The following ZNF75D variants were observed in gnomAD, a reference collection of about 807,000 sequenced individuals.
The protein encoded by ZNF75D is zinc finger protein 75.
A neutral mutation model predicts 33.3 loss-of-function variants in ZNF75D; 33 were observed. That is an observed-to-expected ratio of 0.99 (90% CI 0.75 to 1.32). The LOEUF is 1.32. Ranked by LOEUF, ZNF75D falls within the 40% of genes most tolerant of loss-of-function variation. The pLI, the probability that ZNF75D is intolerant of heterozygous loss-of-function variation, is 0.00. For synonymous variants in ZNF75D, 113 were observed against 130.6 expected (o/e 0.87, Z 0.92); for missense variants, 338 against 367.5 (o/e 0.92, Z 0.66).
chrX:135,303,402 C>A (rs1433800589), intron 1 of ZNF75D, among the ~76,000 whole-genome samples: 2 of 111,728 alleles, frequency 1.8e-5, no homozygotes, highest in Non-Finnish European at 3.8e-5. Context: ...GAGGTCCCTG[C>A]GGCCTACCAC....
At chrX:135,277,899 T>C in intron 1 of ZNF75D, among the ~76,000 whole-genome samples, 1 of 112,366 alleles carries the variant, frequency 8.9e-6, no homozygotes, top group South Asian at 3.7e-4. Flanking sequence ...AGCCTTGTAG[T>C]ATAGTTTGAA....
At chrX:135,257,974 C>T (rs2083814583) in intron 1 of ZNF75D, among the ~76,000 whole-genome samples, 1 of 108,979 alleles carries the variant, frequency 9.2e-6, no homozygotes, top group Admixed American at 1.0e-4. Flanking sequence ...CCCCCCACCA[C>T]CCAACAGGCC....
At chrX:135,341,209 C>T (rs782522505) in intron 1 of ZNF75D, among the ~76,000 whole-genome samples, 1 of 111,704 alleles carries the variant, frequency 9.0e-6, no homozygotes, top group South Asian at 3.8e-4. Flanking sequence ...TTTACAGACC[C>T]AGAACCCTAT....
chrX:135,294,101 G>T lies in ZNF75D; in HGVS notation c.40C>A (p.Pro14Thr), dbSNP rs981704563. 2 of 1,203,176 alleles carry T rather than the reference G, an allele frequency of 1.7e-6. No homozygotes were observed. Among genetic ancestry groups the T allele is most frequent in the South Asian group, 3.6e-5 (2 of 55,723 alleles). Reference protein sequence around the residue: ...RELNADSCSSPQMGAMWETSG... With the variant: ...RELNADSCSSTQMGAMWETSG... The stretch of plus-strand genomic sequence containing the variant: ...GTCTCCCACATAGCCCCCATCTGGG[G>T]GCTTGAGCATGAATCCGCGTTCAGC... Residue 14 changes from proline (P) to threonine (T), a missense_variant, in exon 3 of 7, where the codon CCC (proline) becomes ACC (threonine). Physicochemically the swap from Pro to Thr is conservative, Grantham distance 38. Around this residue, in one of 3 missense-constraint regions of ZNF75D, gnomAD observed 254 missense variants for 267.7 expected, o/e 0.95. Transcript: ENST00000370766.
intron 1 of ZNF75D, among the ~76,000 whole-genome samples, chrX:135,314,464 A>C (rs1556430389): frequency 9.0e-6 from 1 of 111,563 alleles, no homozygotes; most frequent in African/African-American, 3.3e-5. Context: ...CTTTTTTACT[A>C]TGCCCTTGTC....
chrX:135,318,131 A>G (rs1556432639), intron 1 of ZNF75D, among the ~76,000 whole-genome samples: 1 of 103,076 alleles, frequency 9.7e-6, no homozygotes. Flanking sequence ...GGGAATTTAG[A>G]TCGTCCTGGC....
At chrX:135,279,910 G>A (rs782743203) in intron 1 of ZNF75D, among the ~76,000 whole-genome samples, 4 of 111,344 alleles carry the variant, frequency 3.6e-5, no homozygotes, top group African/African-American at 9.8e-5. Flanking sequence ...CAATTGTGTC[G>A]TCAATTTTAG....
chrX:135,286,975 G>A lies in ZNF75D; in HGVS notation c.*162C>T, dbSNP rs2083962127. 32 of 451,248 alleles carry A rather than the reference G, an allele frequency of 7.1e-5. 1 individual carries two copies. The highest frequency in any genetic ancestry group is 6.0e-4 in the Middle Eastern group (1 of 1,665). The allele number at this position is 451,248 out of a possible 1,213,427, so 37.2% of individuals were successfully genotyped here. A position where few individuals can be genotyped will look rare whatever the true frequency, so the allele number is the denominator to read the frequency against. ...ATCAACTCTTGTGCTAGGCACAGAA[G>A]ATGCAATGCTGAATAAAACAGACAG... On this transcript the variant is annotated 3_prime_UTR_variant, in exon 7 of 7. Coordinates refer to ENST00000370766, the MANE Select transcript of ZNF75D (RefSeq NM_007131.5).
intron 1 of ZNF75D, among the ~76,000 whole-genome samples, chrX:135,333,138 G>A (rs1258419451): frequency 2.7e-5 from 3 of 111,663 alleles, no homozygotes; most frequent in Non-Finnish European, 5.7e-5. Flanking sequence ...ATTTGGCTGG[G>A]ATTCTCCTAA....
chrX:135,286,239 T>C lies in ZNF75D; in HGVS notation c.*898A>G, dbSNP rs2083949567. The C allele has an allele frequency of 8.9e-6, 1 of 111,941 alleles. No individual in the cohort carries two copies. Among genetic ancestry groups the C allele is most frequent in the Non-Finnish European group, 1.9e-5 (1 of 53,181 alleles). The allele number at this position is 111,941 out of a possible 1,213,427, so 9.2% of individuals were successfully genotyped here. Reference sequence around the variant, plus strand: ...CAGAGTATTCAGGCATATAGGGTTGTAGTTGATCAGCCATAAAGATGGGGC... The same window carrying C: ...CAGAGTATTCAGGCATATAGGGTTGCAGTTGATCAGCCATAAAGATGGGGC... On this transcript the variant is annotated 3_prime_UTR_variant, in exon 7 of 7. Transcript: ENST00000370766.
chrX:135,286,673 A>G lies in ZNF75D; in HGVS notation c.*464T>C. ...TGGTCTTGATTGTTCATGTAGACAG[A>G]ATGATAACTATTGAAACTGTCCCTA... is the stretch of plus-strand genomic sequence containing the variant. On this transcript the variant is annotated 3_prime_UTR_variant, in exon 7 of 7. Coordinates refer to ENST00000370766, the MANE Select transcript of ZNF75D (RefSeq NM_007131.5). 1 of 117,088 alleles carries G rather than the reference A, an allele frequency of 8.5e-6. No homozygotes were observed. The highest frequency in any genetic ancestry group is 1.8e-5 in the Non-Finnish European group (1 of 56,029). 9.6% of individuals were successfully genotyped at this position (117,088 alleles called of 1,213,427 possible). A position where few individuals can be genotyped will look rare whatever the true frequency, so the allele number is the denominator to read the frequency against.
chrX:135,271,085 C>T (rs782247586), intron 1 of ZNF75D, among the ~76,000 whole-genome samples: 20 of 111,640 alleles, frequency 1.8e-4, no homozygotes, highest in African/African-American at 6.2e-4. Context: ...TTCAACCTTG[C>T]AGGCTTCTGT....
chrX:135,287,722 G>C lies in ZNF75D; in HGVS notation c.948C>G (p.Gly316=), dbSNP rs372286298. Residue 316 remains glycine (G), a synonymous_variant, in exon 7 of 7, where the codon GGC becomes GGG. Coordinates refer to ENST00000370766, the MANE Select transcript of ZNF75D (RefSeq NM_007131.5). The part of the protein sequence containing the change: ...TRMKIAQKTM[G]RENPGDTHSV... Reference sequence around the variant, plus strand: ...TGTGTGTATCACCAGGATTTTCCCTGCCCATTGTTTTCTGGGCAATTTTCA... The same window carrying C: ...TGTGTGTATCACCAGGATTTTCCCTCCCCATTGTTTTCTGGGCAATTTTCA... The C allele has an allele frequency of 5.0e-6, 6 of 1,210,217 alleles. No individual in the cohort carries two copies. Among genetic ancestry groups the C allele is most frequent in the Non-Finnish European group, 6.7e-6 (6 of 895,070 alleles).
intron 1 of ZNF75D, among the ~76,000 whole-genome samples, chrX:135,258,570 C>T (rs1438901842): frequency 9.0e-6 from 1 of 111,406 alleles, no homozygotes; most frequent in African/African-American, 3.3e-5. Flanking sequence ...TTTTCATGTC[C>T]CTGTTGGCTG....
At chrX:135,341,548 T>A (rs1311651962) in intron 1 of ZNF75D, among the ~76,000 whole-genome samples, 1 of 111,889 alleles carries the variant, frequency 8.9e-6, no homozygotes, top group East Asian at 2.8e-4. Flanking sequence ...AATGTATAAT[T>A]GGAAGAAAAA....
Position 135,309,113 on chromosome X carries a change from C to T in ZNF75D, c.-390-13074G>A, listed in dbSNP as rs74917502. 0.01 allele frequency among the ~76,000 whole-genome samples: 1,148 copies of T among 111,904 alleles called. 37 individuals carry two copies. The East Asian group carries it at 0.14, about 14-fold the overall frequency. Reference sequence around the variant, plus strand: ...CAGAGGTGAAAAGAAGGCAGCTCTGCAAAACAGCAACATAGAATTGAGTTA... The same window carrying T: ...CAGAGGTGAAAAGAAGGCAGCTCTGTAAAACAGCAACATAGAATTGAGTTA... On this transcript the variant is annotated intron_variant, in intron 1 of 6. Coordinates refer to ENST00000370766, the MANE Select transcript of ZNF75D (RefSeq NM_007131.5).
intron 2 of ZNF75D, chrX:135,253,493 T>C (rs1602577562): frequency 1.4e-5 from 4 of 292,950 alleles, no homozygotes; most frequent in African/African-American, 1.1e-4. Flanking sequence ...GGACAAAAAG[T>C]CATGTGGCTT....
intron 1 of ZNF75D, among the ~76,000 whole-genome samples, chrX:135,312,981 C>T (rs1282564375): frequency 1.8e-5 from 2 of 111,927 alleles, no homozygotes; most frequent in Admixed American, 9.4e-5. Flanking sequence ...GTTTCCTTTG[C>T]TATGCAGATT....
intron 1 of ZNF75D, chrX:135,330,337 G>A (rs2084636307): frequency 9.0e-6 from 1 of 111,353 alleles, no homozygotes; most frequent in Non-Finnish European, 1.9e-5. Flanking sequence ...AGACCCCTGG[G>A]TCCACTTGGT....
Sources: gnomAD v4.1 joint callset for allele counts (sites outside exome capture counted in the v4.1 genomes callset) on GRCh38, gnomAD v4.1.1 for gene constraint, gnomAD v4.1.1 regional missense constraint, MANE v1.5 for transcripts, NCBI Gene and HGNC (gene_info 2026-07-23, HGNC 2026-07-21) for gene names.